Variants in ASCC3 observed in about 807,000 individuals in gnomAD.
ASCC3 encodes the protein ASC-1 complex subunit P200.
Under a neutral mutation model 256.3 loss-of-function variants are expected in ASCC3, and 158 were observed. The ratio of observed to expected loss-of-function variants is 0.62; its 90% confidence interval spans 0.54 to 0.70. The LOEUF is 0.70. ASCC3 is among the 30% of genes least tolerant of loss of function. The probability of loss-of-function intolerance (pLI) is 0.00; values close to 1 mark genes in which losing one functional copy is unlikely to be tolerated. For synonymous variants in ASCC3, 948 were observed against 883.4 expected (o/e 1.07, Z -1.30); for missense variants, 2,259 against 2,626.0 (o/e 0.86, Z 3.05).
chr6:100,645,931 C>T (rs1775358384), intron 22 of ASCC3, among the ~76,000 whole-genome samples: 1 of 152,014 alleles, frequency 6.6e-6, no homozygotes, highest in Admixed American at 6.6e-5. Flanking sequence ...AGAAAGTAGT[C>T]TCAGCAGCAA....
At chr6:100,554,782 C>T (rs1044210614) in intron 36 of ASCC3, among the ~76,000 whole-genome samples, 4 of 151,888 alleles carry the variant, frequency 2.6e-5, no homozygotes, top group African/African-American at 9.7e-5. Context: ...AACAATCTGG[C>T]GTTTACCACA....
rs1776238474 is a variant in ASCC3, at chr6:100,661,854, T to C, written c.2655A>G (p.Pro885=). 1 of 1,613,174 alleles carries C rather than the reference T, an allele frequency of 6.2e-7. No individual in the cohort carries two copies. Among genetic ancestry groups the C allele is most frequent in the Non-Finnish European group, 8.5e-7 (1 of 1,179,420 alleles). ...GGCTTTCCAGAAACTGACTCTCAAT[T>C]GGGTTTCGTTGAGTGAGCAAAGTGA... ...HYLTLLTQRN[P]IESQFLESLA... is the part of the protein sequence containing the mutation. Residue 885 remains proline, a synonymous_variant, in exon 16 of 42, where the codon CCA becomes CCG. Transcript: ENST00000369162.
intron 8 of ASCC3, among the ~76,000 whole-genome samples, chr6:100,779,649 G>C (rs1299042668): frequency 1.3e-5 from 2 of 152,124 alleles, no homozygotes; most frequent in Non-Finnish European, 2.9e-5. Context: ...CTCAGTAATA[G>C]ATTCAGATAA....
At chr6:100,633,229 C>T (rs915847591) in intron 25 of ASCC3, among the ~76,000 whole-genome samples, 1 of 152,108 alleles carries the variant, frequency 6.6e-6, no homozygotes, top group Non-Finnish European at 1.5e-5. Context: ...CTGTCCCACT[C>T]AATTCAGCCT....
At chr6:100,547,253 A>T (rs534884215) in intron 36 of ASCC3, among the ~76,000 whole-genome samples, 2 of 152,202 alleles carry the variant, frequency 1.3e-5, no homozygotes, top group South Asian at 4.1e-4. Flanking sequence ...TAAATATAAA[A>T]TCTAAAACTT....
chr6:100,602,490 A>T (rs1430357998), intron 33 of ASCC3, among the ~76,000 whole-genome samples: 1 of 152,016 alleles, frequency 6.6e-6, no homozygotes, highest in Admixed American at 6.6e-5. Flanking sequence ...CTTTCAGGAG[A>T]TGAGGACAGC....
chr6:100,723,885 T>TAC (rs1779478059), intron 11 of ASCC3, among the ~76,000 whole-genome samples: 1 of 136,320 alleles, frequency 7.3e-6, no homozygotes, highest in African/African-American at 2.8e-5. Context: ...TATATATATA[T>TAC]ATATATATAT....
chr6:100,751,571 AC>A (rs1780942032), intron 10 of ASCC3, among the ~76,000 whole-genome samples: 1 of 152,052 alleles, frequency 6.6e-6, no homozygotes, highest in Non-Finnish European at 1.5e-5. Context: ...TAAAAAAAAA[AC>A]ACTCCAAAAG....
Position 100,608,343 on chromosome 6 carries a change from T to TTA in ASCC3, c.4786-1257_4786-1256dup, listed in dbSNP as rs1334261956. ...TATATATACCTTATATATGTATACC[T>TTA]TATATATATACCTTATATATGTATA... is the stretch of plus-strand genomic sequence containing the variant. On this transcript the variant is annotated intron_variant, in intron 30 of 41. Coordinates refer to ENST00000369162, the MANE Select transcript of ASCC3 (RefSeq NM_006828.4). 9.7e-5 allele frequency among the ~76,000 whole-genome samples: 10 copies of TTA among 102,900 alleles called. 2 individuals carry two copies. The highest frequency in any genetic ancestry group is 3.6e-4 in the African/African-American group (9 of 25,140). 67.5% of individuals were successfully genotyped at this position (102,900 alleles called of 152,430 possible).
chr6:100,652,502 G>A (rs963467802), intron 18 of ASCC3, among the ~76,000 whole-genome samples: 3 of 152,118 alleles, frequency 2.0e-5, no homozygotes, highest in African/African-American at 4.8e-5. Context: ...GCTTGGGTGT[G>A]TTTATTGCTT....
At chr6:100,512,651 G>C in intron 40 of ASCC3, 58 bp downstream of exon 40, 2 of 1,496,310 alleles carry the variant, frequency 1.3e-6, no homozygotes, top group Non-Finnish European at 1.9e-6. Flanking sequence ...AGATATGTGT[G>C]GTGGTGCATG....
chr6:100,687,825 T>C (rs1450853014), intron 13 of ASCC3, among the ~76,000 whole-genome samples: 1 of 152,044 alleles, frequency 6.6e-6, no homozygotes, highest in East Asian at 1.9e-4. Flanking sequence ...CAACAGCAGT[T>C]CAAGGGAAAG....
intron 4 of ASCC3, among the ~76,000 whole-genome samples, chr6:100,817,344 A>G (rs1770802755): frequency 1.3e-5 from 2 of 151,736 alleles, no homozygotes. Context: ...TCTCAAACCA[A>G]TAACCTATCA....
intron 13 of ASCC3, among the ~76,000 whole-genome samples, chr6:100,682,950 G>A (rs759725744): frequency 1.3e-5 from 2 of 152,116 alleles, no homozygotes; most frequent in Non-Finnish European, 2.9e-5. Flanking sequence ...ATATCTAAGG[G>A]AGGGGTCTAG....
chr6:100,766,478 G>T, intron 10 of ASCC3, 87 bp downstream of exon 10: 1 of 1,313,540 alleles, frequency 7.6e-7, no homozygotes, highest in Non-Finnish European at 1.1e-6. Context: ...ATGTATTCTA[G>T]TTATTTAAGA....
Position 100,697,961 on chromosome 6 carries a change from C to T in ASCC3, c.2151+17501G>A, listed in dbSNP as rs75509072. Among the ~76,000 whole-genome samples, 913 of 152,174 alleles carry T rather than the reference C, an allele frequency of 6.0e-3. 10 individuals are homozygous for T. The highest frequency in any genetic ancestry group is 0.021 in the African/African-American group (877 of 41,538). On this transcript the variant is annotated intron_variant, in intron 13 of 41. Coordinates refer to ENST00000369162, the MANE Select transcript of ASCC3 (RefSeq NM_006828.4). Reference sequence around the variant, plus strand: ...TATCTTCAAATTCCTAAACATCATTCGGAGACAAACTGTTCCACTGTGCTC... The same window carrying T: ...TATCTTCAAATTCCTAAACATCATTTGGAGACAAACTGTTCCACTGTGCTC...
At position 100,791,104 on chromosome 6, in the gene ASCC3, T is replaced by C. The variant is rs557993696; in HGVS notation, c.1395+7609A>G. On this transcript the variant is annotated intron_variant, in intron 8 of 41. Coordinates refer to ENST00000369162, the MANE Select transcript of ASCC3 (RefSeq NM_006828.4). ...TGAGAGTCAAAAATTGATAAAAATT[T>C]CTTATTTATAATTTTATAAGGAAGA... 9.6e-4 allele frequency among the ~76,000 whole-genome samples: 146 copies of C among 151,848 alleles called. 1 individual carries two copies. The highest frequency in any genetic ancestry group is 1.9e-3 in the Non-Finnish European group (132 of 67,860).
intron 13 of ASCC3, among the ~76,000 whole-genome samples, chr6:100,689,434 G>C (rs1777731649): frequency 6.6e-6 from 1 of 152,106 alleles, no homozygotes; most frequent in Admixed American, 6.6e-5. Context: ...TCTCAGATTT[G>C]CCATTTCAAA....
At position 100,802,229 on chromosome 6, in the gene ASCC3, G is replaced by A. The variant is rs115302213; in HGVS notation, c.923-1725C>T. Among the ~76,000 whole-genome samples, 367 of 152,034 alleles carry A rather than the reference G, an allele frequency of 2.4e-3. 4 individuals carry two copies. The highest frequency in any genetic ancestry group is 7.8e-3 in the African/African-American group (323 of 41,502). ...TTAGGTTAACTGTAGAAACTGACAT[G>A]CAAAAATGAAATGAATATCCTTAAC... On this transcript the variant is annotated intron_variant, in intron 5 of 41. Coordinates refer to ENST00000369162, the MANE Select transcript of ASCC3 (RefSeq NM_006828.4).
Sources: gnomAD v4.1 joint callset for allele counts (sites outside exome capture counted in the v4.1 genomes callset) on GRCh38, gnomAD v4.1.1 for gene constraint, MANE v1.5 for transcripts, NCBI Gene and HGNC (gene_info 2026-07-23, HGNC 2026-07-21) for gene names.